AP1G1: variants seen among roughly 807,000 people sequenced by gnomAD.
AP1G1 encodes adaptor related protein complex 1 subunit gamma 1.
A neutral mutation model predicts 108.3 loss-of-function variants in AP1G1; 7 were observed. The ratio of observed to expected loss-of-function variants is 0.06; its 90% CI spans 0.04 to 0.12. The LOEUF is 0.12. Ranked by LOEUF, AP1G1 falls within the 10% of genes least tolerant of loss-of-function variation. AP1G1 has a pLI of 1.00. For missense variants in AP1G1, 756 were observed against 1,010.7 expected (o/e 0.75, Z 3.42); for synonymous variants, 379 against 353.5 (o/e 1.07, Z -0.81).
At chr16:71,745,387 C>T in intron 18 of AP1G1, 86 bp downstream of exon 18, 1 of 1,606,390 alleles carries the variant, frequency 6.2e-7, no homozygotes, top group South Asian at 1.1e-5. Context: ...AACCCAGGAA[C>T]ATTAAAGGGA....
chr16:71,765,148 C>T (rs2031260743), intron 7 of AP1G1, among the ~76,000 whole-genome samples: 1 of 152,164 alleles, frequency 6.6e-6, no homozygotes, highest in African/African-American at 2.4e-5. Context: ...TGAGACCAGC[C>T]TAGGCAACAT....
chr16:71,736,774 T>C (rs941306960), intron 21 of AP1G1, among the ~76,000 whole-genome samples: 4 of 108,440 alleles, frequency 3.7e-5, no homozygotes, highest in Non-Finnish European at 7.7e-5. Context: ...TTTTTTTTTT[T>C]AGTAGAGACG....
chr16:71,803,299 AT>A (rs2032874654), intron 1 of AP1G1, among the ~76,000 whole-genome samples: 1 of 152,332 alleles, frequency 6.6e-6, no homozygotes, highest in South Asian at 2.1e-4. Flanking sequence ...TTTTAAAAAA[AT>A]GACTTCTTCC....
At chr16:71,758,484 C>T (rs145707194) in intron 11 of AP1G1, 3 of 540,124 alleles carry the variant, frequency 5.6e-6, no homozygotes, top group African/African-American at 1.9e-5. Flanking sequence ...TCCTCCAACA[C>T]ACAAAGCACA....
At chr16:71,805,919 G>A (rs1488731342) in intron 1 of AP1G1, among the ~76,000 whole-genome samples, 1 of 152,178 alleles carries the variant, frequency 6.6e-6, no homozygotes, top group Non-Finnish European at 1.5e-5. Context: ...TACGTGGAGG[G>A]CTGAGGCAGG....
At chr16:71,734,836 C>G in intron 21 of AP1G1, 129 bp from the exon 22 acceptor site, 3 of 702,986 alleles carry the variant, frequency 4.3e-6, no homozygotes, top group Non-Finnish European at 7.4e-6. Context: ...GTTTTGCCTA[C>G]TACTTGTTTT....
In AP1G1 at chr16:71,758,591, T is replaced by C. The variant is rs987324243; in HGVS notation, c.1088+217A>G. 9 of 605,684 alleles carry C rather than the reference T, an allele frequency of 1.5e-5. No individual in the cohort carries two copies. In the Admixed American group the frequency reaches 1.8e-4, roughly 12 times the overall value. The allele number at this position is 605,684 out of a possible 1,614,324, so 37.5% of individuals were successfully genotyped here. ...TTCAGTGTGCACTTAAGTATTCTTA[T>C]TGGCCTCCTTAACAACCTAAACTTC... On this transcript the variant is annotated intron_variant, in intron 11 of 22. Coordinates refer to ENST00000299980, the MANE Select transcript of AP1G1 (RefSeq NM_001128.6).
intron 17 of AP1G1, 57 bp from the exon 18 acceptor site, chr16:71,745,671 A>C (rs2030136004): frequency 9.1e-6 from 13 of 1,434,938 alleles, no homozygotes; most frequent in Non-Finnish European, 1.3e-5. Context: ...CCCTACCCAA[A>C]ATAATCACCA....
chr16:71,785,649 C>T (rs1056401238), intron 2 of AP1G1, among the ~76,000 whole-genome samples: 1 of 150,946 alleles, frequency 6.6e-6, no homozygotes, highest in Non-Finnish European at 1.5e-5. Context: ...CTTTGGGAGG[C>T]CGAGGCGGGC....
At chr16:71,789,232 C>A (rs780193637) in intron 2 of AP1G1, 47 bp downstream of exon 2, 3 of 1,534,942 alleles carry the variant, frequency 2.0e-6, no homozygotes, top group Non-Finnish European at 2.7e-6. Flanking sequence ...CCCTGAGCAA[C>A]AATGTCAAAG....
intron 2 of AP1G1, among the ~76,000 whole-genome samples, chr16:71,786,129 C>T (rs190436058): frequency 4.6e-5 from 7 of 152,176 alleles, no homozygotes; most frequent in Middle Eastern, 3.4e-3. Flanking sequence ...AATTTTAGCA[C>T]AGTTTTCTCG....
intron 11 of AP1G1, 140 bp downstream of exon 11, chr16:71,758,668 G>A: frequency 1.6e-6 from 1 of 623,420 alleles, no homozygotes; most frequent in Non-Finnish European, 2.9e-6. Context: ...GTCCATCTGT[G>A]AACACAATGA....
At chr16:71,733,284 A>G in intron 22 of AP1G1, 125 bp from the exon 23 acceptor site, 1 of 722,500 alleles carries the variant, frequency 1.4e-6, no homozygotes, top group Non-Finnish European at 2.3e-6. Context: ...GTTAAGAATG[A>G]CAGGTAAACA....
At chr16:71,739,450 A>C in intron 19 of AP1G1, 109 bp from the exon 20 acceptor site, 2 of 822,726 alleles carry the variant, frequency 2.4e-6, no homozygotes, top group Non-Finnish European at 3.7e-6. Context: ...GATTCCTTAA[A>C]CAAGATGCAA....
rs1245046666 is a variant in AP1G1 at position 71,730,156 on chromosome 16, C to G, written c.*2902G>C. The G allele has an allele frequency of 6.6e-6, 1 of 152,614 alleles. No homozygotes were observed. Among genetic ancestry groups the G allele is most frequent in the Non-Finnish European group, 1.5e-5 (1 of 68,038 alleles). 9.5% of individuals were successfully genotyped at this position (152,614 alleles called of 1,614,324 possible). The stretch of plus-strand genomic sequence containing the variant: ...AGACCTTAAAATTAACAGATGATCA[C>G]TATGCACAGCCTAAAACTTCCGTGA... On this transcript the variant is annotated 3_prime_UTR_variant, in exon 23 of 23. Transcript: ENST00000299980.
rs112510619 is a variant in AP1G1 at position 71,741,117 on chromosome 16, G to A, written c.2000-1776C>T. On this transcript the variant is annotated intron_variant, in intron 19 of 22. Transcript: ENST00000299980. Reference sequence around the variant, plus strand: ...GCATAAGGAAATTCAGTAAAATTAAGAGAATGTATTTAATATTTAAATAGA... The same window carrying A: ...GCATAAGGAAATTCAGTAAAATTAAAAGAATGTATTTAATATTTAAATAGA... Among the ~76,000 whole-genome samples the A allele has an allele frequency of 7.0e-3, 1,065 of 152,278 alleles. 23 individuals carry two copies. Among genetic ancestry groups the A allele is most frequent in the African/African-American group, 0.024 (1,012 of 41,542 alleles).
Position 71,748,340 on chromosome 16 carries a change from G to C in AP1G1, c.1536C>G (p.Val512=). ...CAGAGGTGGACATATTAGAGATTAG[G>C]ACACTTTCTAAAATATCCAACACTT... The part of the protein sequence containing the change: ...EDEVLDILES[V]LISNMSTSVT... The change falls in exon 16 of 23, where the codon GTC becomes GTG. Residue 512 remains valine (V), a synonymous_variant. Transcript: ENST00000299980. The C allele has an allele frequency of 1.9e-6, 3 of 1,613,470 alleles. No individual in the cohort carries two copies. Among genetic ancestry groups the C allele is most frequent in the Non-Finnish European group, 2.5e-6 (3 of 1,179,712 alleles).
chr16:71,739,569 C>T (rs1490914561), intron 19 of AP1G1, among the ~76,000 whole-genome samples: 2 of 151,544 alleles, frequency 1.3e-5, no homozygotes, highest in Admixed American at 6.6e-5. Context: ...AGCAACATGG[C>T]GAGACCCTGT....
At chr16:71,744,709 G>A (rs2030079077) in intron 19 of AP1G1, among the ~76,000 whole-genome samples, 1 of 151,588 alleles carries the variant, frequency 6.6e-6, no homozygotes, top group African/African-American at 2.4e-5. Context: ...CGGAGTAGCT[G>A]GGATTATAGG....
Sources: allele counts gnomAD v4.1 joint callset (sites outside exome capture counted in the v4.1 genomes callset), GRCh38; gene constraint gnomAD v4.1.1; transcripts MANE v1.5; gene names NCBI Gene and HGNC (gene_info 2026-07-23, HGNC 2026-07-21).